DGKG: variants seen among roughly 807,000 people sequenced by gnomAD.
DGKG encodes the protein diacylglycerol kinase gamma, also known as DAG kinase gamma.
In DGKG, 78 loss-of-function variants were observed where a neutral mutation model predicts 105.3. That is an observed-to-expected ratio of 0.74 (90% confidence interval 0.62 to 0.89). The LOEUF (loss-of-function observed/expected upper bound fraction) is 0.89. Among genes scored for constraint, DGKG ranks in the 40% least tolerant of loss-of-function variants. The probability of loss-of-function intolerance (pLI) is 0.00; values close to 1 mark genes in which losing one functional copy is unlikely to be tolerated. For missense variants in DGKG, 958 were observed against 1,020.1 expected, an observed-to-expected ratio of 0.94 and a Z score of 0.83; for synonymous variants, 346 against 367.1, an observed-to-expected ratio of 0.94 and a Z score of 0.66.
intron 1 of DGKG, among the ~76,000 whole-genome samples, chr3:186,325,170 A>G (rs1263975984): frequency 3.9e-5 from 6 of 152,248 alleles, no homozygotes; most frequent in Non-Finnish European, 8.8e-5. Context: ...GTTCTTACTT[A>G]TAAGTGGGAG....
intron 24 of DGKG, among the ~76,000 whole-genome samples, chr3:186,152,884 G>A (rs1424759875): frequency 6.6e-6 from 1 of 151,090 alleles, no homozygotes; most frequent in Non-Finnish European, 1.5e-5. Context: ...GGATGGTCTC[G>A]ATCTCCTGAC....
At chr3:186,337,360 A>G (rs1268384019) in intron 1 of DGKG, among the ~76,000 whole-genome samples, 1 of 152,168 alleles carries the variant, frequency 6.6e-6, no homozygotes, top group African/African-American at 2.4e-5. Context: ...GACCATCTCA[A>G]TATATGTAGA....
intron 16 of DGKG, among the ~76,000 whole-genome samples, chr3:186,258,873 C>T (rs1721607782): frequency 6.6e-6 from 1 of 152,114 alleles, no homozygotes; most frequent in South Asian, 2.1e-4. Context: ...GAGGGGGTTT[C>T]TATGCTTCAC....
chr3:186,291,133 G>C (rs573179925), intron 5 of DGKG, among the ~76,000 whole-genome samples: 128 of 152,292 alleles, frequency 8.4e-4, no homozygotes, highest in African/African-American at 2.9e-3. Flanking sequence ...GACTTTGTAG[G>C]AATGTGAAAA....
intron 17 of DGKG, among the ~76,000 whole-genome samples, chr3:186,253,703 G>A (rs1279144885): frequency 1.3e-5 from 2 of 152,132 alleles, no homozygotes; most frequent in African/African-American, 4.8e-5. Flanking sequence ...TGGCAGACAG[G>A]GAAAGTAATT....
chr3:186,259,374 C>T (rs760509595), intron 16 of DGKG, among the ~76,000 whole-genome samples: 13 of 152,214 alleles, frequency 8.5e-5, no homozygotes, highest in Non-Finnish European at 1.6e-4. Flanking sequence ...ATGGCAATCA[C>T]GGTGACTGTG....
At chr3:186,196,137 CT>C (rs71164579) in intron 21 of DGKG, among the ~76,000 whole-genome samples, 79,724 of 130,912 alleles carry the variant, frequency 0.61, 25,153 homozygotes, top group East Asian at 0.9. Flanking sequence ...CTTTTTCTTT[CT>C]TTTTTTTTTT....
chr3:186,304,962 T>C (rs1177288405), intron 3 of DGKG, among the ~76,000 whole-genome samples: 1 of 152,196 alleles, frequency 6.6e-6, no homozygotes, highest in Non-Finnish European at 1.5e-5. Flanking sequence ...CAGTGCCCAG[T>C]ACAGTGCATA....
chr3:186,206,595 C>T (rs988578146), intron 21 of DGKG, among the ~76,000 whole-genome samples: 2 of 151,444 alleles, frequency 1.3e-5, no homozygotes, highest in East Asian at 3.9e-4. Context: ...CCTCGCCCCA[C>T]CCCCCACCTG....
At chr3:186,158,355 C>G (rs1716133464) in intron 24 of DGKG, 2 of 975,042 alleles carry the variant, frequency 2.1e-6, no homozygotes, top group Non-Finnish European at 2.4e-6. Flanking sequence ...TAAACTGGAG[C>G]CTTCTTATTT....
At chr3:186,227,428 A>C (rs1719911085) in intron 20 of DGKG, among the ~76,000 whole-genome samples, 1 of 152,214 alleles carries the variant, frequency 6.6e-6, no homozygotes, top group Non-Finnish European at 1.5e-5. Context: ...GAGGCAGAGT[A>C]AGGGCTGAAA....
chr3:186,164,257 G>A (rs966078340), intron 23 of DGKG, among the ~76,000 whole-genome samples: 2 of 152,216 alleles, frequency 1.3e-5, no homozygotes, highest in Non-Finnish European at 2.9e-5. Flanking sequence ...GAAATAATCA[G>A]GTGGGAGAAG....
At chr3:186,357,434 T>A (rs945470718) in intron 1 of DGKG, among the ~76,000 whole-genome samples, 2 of 151,238 alleles carry the variant, frequency 1.3e-5, no homozygotes, top group African/African-American at 4.9e-5. Context: ...AGAAGATAAA[T>A]AAAGAGAAAA....
At chr3:186,175,421 T>C (rs1179547320) in intron 22 of DGKG, among the ~76,000 whole-genome samples, 1 of 152,216 alleles carries the variant, frequency 6.6e-6, no homozygotes, top group African/African-American at 2.4e-5. Flanking sequence ...CTTTATCTTC[T>C]GGGATTCTCC....
intron 24 of DGKG, among the ~76,000 whole-genome samples, chr3:186,151,201 TAAAC>T (rs1715742356): frequency 6.6e-6 from 1 of 152,252 alleles, no homozygotes; most frequent in Admixed American, 6.5e-5. Flanking sequence ...AAGCCCACTG[TAAAC>T]TGTAAAATGG....
chr3:186,280,021 T>C lies in DGKG; in HGVS notation c.670-48A>G, dbSNP rs369149656. ...ATTGTCCATTTTCATCATCGACATGTCTACCTGCCTTCTGCCTCTGCTGTC... is the reference window on the plus strand; with the variant it reads ...ATTGTCCATTTTCATCATCGACATGCCTACCTGCCTTCTGCCTCTGCTGTC... On this transcript the variant is annotated intron_variant, in intron 8 of 24. Coordinates refer to ENST00000265022, the MANE Select transcript of DGKG (RefSeq NM_001346.3). 62 of 1,609,172 alleles carry C rather than the reference T, an allele frequency of 3.9e-5. No individual in the cohort carries two copies. The African/African-American group carries it at 7.1e-4, about 18-fold the overall frequency.
intron 10 of DGKG, among the ~76,000 whole-genome samples, 169 bp downstream of exon 10, chr3:186,275,378 G>A (rs183062194): frequency 1.2e-4 from 18 of 152,258 alleles, no homozygotes; most frequent in African/African-American, 4.1e-4. Flanking sequence ...ACTTGGGTAG[G>A]GTAAAAACAG....
chr3:186,162,774 C>A (rs1716361623), intron 23 of DGKG, among the ~76,000 whole-genome samples: 1 of 151,994 alleles, frequency 6.6e-6, no homozygotes, highest in South Asian at 2.1e-4. Flanking sequence ...GATCTCCTGA[C>A]CTCGTGATCT....
At chr3:186,206,950 T>C (rs1189147149) in intron 21 of DGKG, among the ~76,000 whole-genome samples, 2 of 152,140 alleles carry the variant, frequency 1.3e-5, no homozygotes, top group African/African-American at 4.8e-5. Context: ...GGTTTTACCA[T>C]GTTGGCCAGG....
Sources: gnomAD v4.1 joint callset for allele counts (sites outside exome capture counted in the v4.1 genomes callset) on GRCh38, gnomAD v4.1.1 for gene constraint, MANE v1.5 for transcripts, NCBI Gene and HGNC (gene_info 2026-07-23, HGNC 2026-07-21) for gene names.